The following LOC128125822 variants were observed in gnomAD, a reference collection of about 807,000 sequenced individuals.
At chr6:63,573,990 G>C in the LOC128125822 span, among the ~76,000 whole-genome samples, 1 of 152,200 alleles carries the variant, frequency 6.6e-6, no homozygotes, top group African/African-American at 2.4e-5. Context: ...GGAATTCTGA[G>C]GGTTTTTTAT....
the LOC128125822 span, among the ~76,000 whole-genome samples, chr6:63,574,314 C>T: frequency 6.6e-6 from 1 of 152,166 alleles, no homozygotes; most frequent in African/African-American, 2.4e-5. Context: ...TTACTCTTTC[C>T]TCCTCTCCCT....
At chr6:63,578,987 T>C in the LOC128125822 span, 1 of 1,608,080 alleles carries the variant, frequency 6.2e-7, no homozygotes, top group Non-Finnish European at 8.5e-7. Context: ...GTGAAGAACC[T>C]GGTTGTTGTA....
chr6:63,572,654 T>C, the LOC128125822 span: 1 of 411,886 alleles, frequency 2.4e-6, no homozygotes, highest in South Asian at 1.1e-4. Flanking sequence ...CCACCGCCTG[T>C]GTCGCCGCCG....
At chr6:63,577,202 CT>C in the LOC128125822 span, among the ~76,000 whole-genome samples, 1 of 152,086 alleles carries the variant, frequency 6.6e-6, no homozygotes, top group Non-Finnish European at 1.5e-5. Flanking sequence ...CCTGAGTTTG[CT>C]TGAATTGGTA....
the LOC128125822 span, chr6:63,572,835 T>G: frequency 2.5e-6 from 1 of 394,506 alleles, no homozygotes; most frequent in South Asian, 1.3e-4. Flanking sequence ...CGGGTTGCGG[T>G]TCCGGTGGGT....
At chr6:63,574,414 G>A in the LOC128125822 span, among the ~76,000 whole-genome samples, 3 of 152,174 alleles carry the variant, frequency 2.0e-5, no homozygotes, top group Non-Finnish European at 4.4e-5. Context: ...GTAGGAGATT[G>A]GGAATGGAGG....
At chr6:63,579,378 G>C in the LOC128125822 span, 1 of 1,445,066 alleles carries the variant, frequency 6.9e-7, no homozygotes, top group Non-Finnish European at 9.6e-7. Context: ...TCATTTCCTT[G>C]TTGAGTGTCA....
the LOC128125822 span, among the ~76,000 whole-genome samples, chr6:63,574,579 A>G: frequency 9.9e-5 from 15 of 152,220 alleles, no homozygotes; most frequent in Admixed American, 9.2e-4. Flanking sequence ...GAAAGTGCTT[A>G]CTTACATGAA....
chr6:63,580,235 T>C, the LOC128125822 span: 2 of 1,303,190 alleles, frequency 1.5e-6, no homozygotes, highest in South Asian at 1.2e-5. Context: ...TTGTTATACA[T>C]ATTAGCCAAC....
At chr6:63,575,048 G>A in the LOC128125822 span, among the ~76,000 whole-genome samples, 1 of 152,142 alleles carries the variant, frequency 6.6e-6, no homozygotes, top group African/African-American at 2.4e-5. Flanking sequence ...AGTAGACTGG[G>A]TTTTTGACTT....
At chr6:63,573,016 T>TA in the LOC128125822 span, among the ~76,000 whole-genome samples, 1 of 151,954 alleles carries the variant, frequency 6.6e-6, no homozygotes, top group African/African-American at 2.4e-5. Context: ...GTCCGGCTTC[T>TA]GCGGCGGCCG....
chr6:63,582,101 CAG>C, the LOC128125822 span: 67 of 152,146 alleles, frequency 4.4e-4, no homozygotes, highest in African/African-American at 1.5e-3. Flanking sequence ...AAAGGAAGAA[CAG>C]GGGCCTCTGG....
the LOC128125822 span, among the ~76,000 whole-genome samples, chr6:63,573,910 TC>T: frequency 6.6e-6 from 1 of 152,158 alleles, no homozygotes; most frequent in East Asian, 1.9e-4. Context: ...TTTAGAACTA[TC>T]CCTGAGCTCT....
the LOC128125822 span, among the ~76,000 whole-genome samples, chr6:63,579,515 C>G: frequency 6.6e-6 from 1 of 152,186 alleles, no homozygotes; most frequent in Non-Finnish European, 1.5e-5. Context: ...TACTAAGATT[C>G]TAATCCAACA....
At chr6:63,573,828 T>A in the LOC128125822 span, among the ~76,000 whole-genome samples, 26 of 152,288 alleles carry the variant, frequency 1.7e-4, no homozygotes, top group Admixed American at 1.5e-3. Context: ...GGACTTCCCG[T>A]CCGGGCACCA....
the LOC128125822 span, among the ~76,000 whole-genome samples, chr6:63,575,928 TAAGTA>T: frequency 2.6e-5 from 4 of 152,202 alleles, no homozygotes; most frequent in South Asian, 8.3e-4. Flanking sequence ...GTTTATGAGT[TAAGTA>T]AATTATGCAA....
At chr6:63,574,721 A>G in the LOC128125822 span, among the ~76,000 whole-genome samples, 13 of 152,338 alleles carry the variant, frequency 8.5e-5, no homozygotes, top group South Asian at 2.7e-3. Context: ...GAATACTGTG[A>G]TGAGTCATTA....
At chr6:63,575,790 CTCG>C in the LOC128125822 span, among the ~76,000 whole-genome samples, 1 of 151,876 alleles carries the variant, frequency 6.6e-6, no homozygotes, top group African/African-American at 2.4e-5. Context: ...ACTCATTTTC[CTCG>C]TCTTCAGTTT....
the LOC128125822 span, chr6:63,583,410 C>T: frequency 2.0e-5 from 3 of 152,194 alleles, no homozygotes; most frequent in East Asian, 1.9e-4. Flanking sequence ...TTCTCCATTA[C>T]GTTTGGGGTA....
Sources: allele counts gnomAD v4.1 joint callset (sites outside exome capture counted in the v4.1 genomes callset), GRCh38; gene constraint gnomAD v4.1.1; transcripts MANE v1.5.